Variants in NWD2 observed in about 807,000 individuals in gnomAD.
The protein encoded by NWD2 is NACHT and WD repeat domain containing 2, also known as NACHT and WD repeat domain-containing protein 2.
A neutral mutation model predicts 132.7 loss-of-function variants in NWD2; 37 were observed. That is an observed-to-expected ratio of 0.28 (90% CI 0.21 to 0.37). The LOEUF is 0.37. NWD2 is among the 10% of genes least tolerant of loss of function. The pLI, the probability that NWD2 is intolerant of heterozygous loss-of-function variation, is 1.00. For synonymous variants in NWD2, 705 were observed against 803.0 expected (o/e 0.88, Z 2.06); for missense variants, 1,592 against 2,122.4 (o/e 0.75, Z 4.91).
At chr4:37,390,044 C>G (rs979209562) in intron 3 of NWD2, among the ~76,000 whole-genome samples, 19 of 152,206 alleles carry the variant, frequency 1.2e-4, no homozygotes, top group Non-Finnish European at 2.9e-5. Context: ...CCCGCCTCAG[C>G]CTCCCAAGGT....
intron 2 of NWD2, among the ~76,000 whole-genome samples, chr4:37,347,042 G>T (rs1258500516): frequency 6.6e-6 from 1 of 151,878 alleles, no homozygotes; most frequent in African/African-American, 2.4e-5. Flanking sequence ...TCATCTCAAA[G>T]TATCCCTTTC....
intron 3 of NWD2, among the ~76,000 whole-genome samples, chr4:37,423,521 G>A (rs1400806612): frequency 3.3e-5 from 5 of 152,166 alleles, no homozygotes; most frequent in Non-Finnish European, 7.3e-5. Context: ...AAACAGGAGT[G>A]CCAATGGAAT....
At chr4:37,417,122 A>C (rs1245703307) in intron 3 of NWD2, among the ~76,000 whole-genome samples, 1 of 152,166 alleles carries the variant, frequency 6.6e-6, no homozygotes, top group Non-Finnish European at 1.5e-5. Flanking sequence ...AAAATAAATA[A>C]AATTTAGAAT....
intron 1 of NWD2, among the ~76,000 whole-genome samples, chr4:37,249,892 T>C (rs993561684): frequency 1.3e-5 from 2 of 152,146 alleles, no homozygotes; most frequent in Admixed American, 6.5e-5. Context: ...TGTTCTCCGT[T>C]ACAGTGGAAG....
chr4:37,447,201 A>T lies in NWD2; in HGVS notation c.5213A>T (p.Tyr1738Phe). ...GCCCTAGAAGCCAGGGGCCACAGCTATGCCCCTGATAACTGACAAAATGTT... is the reference window on the plus strand; with the variant it reads ...GCCCTAGAAGCCAGGGGCCACAGCTTTGCCCCTGATAACTGACAAAATGTT... Reference protein sequence around the residue: ...CSALEARGHSYAPDN With the variant: ...CSALEARGHSFAPDN Residue 1738 changes from tyrosine (Y) to phenylalanine (F), a missense_variant, in exon 7 of 7, where the codon TAT becomes TTT. By Grantham distance (22) the Tyr-to-Phe change is conservative (BLOSUM62 3). This residue lies in a region of NWD2 where 257 missense variants were observed against 335.0 expected (regional missense o/e 0.77). Coordinates refer to ENST00000309447, the MANE Select transcript of NWD2 (RefSeq NM_001144990.2). The T allele has an allele frequency of 6.5e-7, 1 of 1,549,796 alleles. No individual in the cohort carries two copies. The highest frequency in any genetic ancestry group is 8.7e-7 in the Non-Finnish European group (1 of 1,145,930).
intron 1 of NWD2, among the ~76,000 whole-genome samples, chr4:37,313,183 G>C (rs1466142197): frequency 6.6e-6 from 1 of 151,102 alleles, no homozygotes; most frequent in African/African-American, 2.5e-5. Context: ...CTGTTGATTT[G>C]AATAGTTTCA....
At chr4:37,304,104 G>A (rs1718661860) in intron 1 of NWD2, among the ~76,000 whole-genome samples, 1 of 152,174 alleles carries the variant, frequency 6.6e-6, no homozygotes, top group South Asian at 2.1e-4. Flanking sequence ...CTGTACAGGA[G>A]GCATGGCTTG....
intron 3 of NWD2, among the ~76,000 whole-genome samples, chr4:37,362,158 G>A (rs1386361302): frequency 6.6e-6 from 1 of 152,152 alleles, no homozygotes. Flanking sequence ...ACTGCCAAAA[G>A]AAATCACAGA....
chr4:37,367,702 T>C (rs529430005), intron 3 of NWD2, among the ~76,000 whole-genome samples: 6 of 152,298 alleles, frequency 3.9e-5, no homozygotes, highest in Admixed American at 3.9e-4. Flanking sequence ...AATTTTTATT[T>C]TCTGAATGTG....
At chr4:37,431,475 T>A (rs1046930787) in intron 4 of NWD2, among the ~76,000 whole-genome samples, 20 of 152,048 alleles carry the variant, frequency 1.3e-4, no homozygotes, top group Non-Finnish European at 2.1e-4. Context: ...AAACGTTGAG[T>A]TCATGGTAAC....
Position 37,444,306 on chromosome 4 carries a change from A to G in NWD2, c.2318A>G (p.Lys773Arg). The G allele has an allele frequency of 6.4e-7, 1 of 1,551,722 alleles. No individual in the cohort carries two copies. The highest frequency in any genetic ancestry group is 8.7e-7 in the Non-Finnish European group (1 of 1,146,968). The change falls in exon 7 of 7, where the codon AAA becomes AGA. Residue 773 changes from lysine (K) to arginine (R), a missense_variant. Lys to Arg is a conservative substitution (Grantham distance 26, BLOSUM62 2). Transcript: ENST00000309447. The surrounding 1 kb of genome is among the most constrained non-coding windows in gnomAD (Gnocchi z 4.8). ...GGGGTTTGGTCAGGGGGCAGGAGGAAAGCCTTCTGCCTTGAGGACCCCTAC... is the reference window on the plus strand; with the variant it reads ...GGGGTTTGGTCAGGGGGCAGGAGGAGAGCCTTCTGCCTTGAGGACCCCTAC... Reference protein sequence around the residue: ...FLGVWSGGRRKAFCLEDPYLN... With the variant: ...FLGVWSGGRRRAFCLEDPYLN...
At chr4:37,354,990 C>G (rs541259316) in intron 2 of NWD2, among the ~76,000 whole-genome samples, 3 of 152,012 alleles carry the variant, frequency 2.0e-5, no homozygotes, top group Non-Finnish European at 4.4e-5. Flanking sequence ...TTTCTGTGCT[C>G]TTCTGAAGCT....
rs549634451 is a variant in NWD2 at position 37,246,399 on chromosome 4, T to C, written c.151+1181T>C. On this transcript the variant is annotated intron_variant, in intron 1 of 6. Transcript: ENST00000309447. Reference sequence around the variant, plus strand: ...TTATGAGAAGGAGTTGGGGAGAGAATCAAAACGATAACATGCACTAATTAG... The same window carrying C: ...TTATGAGAAGGAGTTGGGGAGAGAACCAAAACGATAACATGCACTAATTAG... 2.6e-5 allele frequency among the ~76,000 whole-genome samples: 4 copies of C among 152,138 alleles called. No individual in the cohort carries two copies. The East Asian group carries it at 7.7e-4, about 29-fold the overall frequency.
At chr4:37,431,286 G>A (rs1712171885) in intron 4 of NWD2, among the ~76,000 whole-genome samples, 1 of 152,110 alleles carries the variant, frequency 6.6e-6, no homozygotes, top group Admixed American at 6.6e-5. Context: ...AGAAAATGTA[G>A]AAGGAAATTA....
chr4:37,294,053 T>TC (rs1718424079), intron 1 of NWD2, among the ~76,000 whole-genome samples: 1 of 151,944 alleles, frequency 6.6e-6, no homozygotes, highest in African/African-American at 2.4e-5. Flanking sequence ...TCACAGGAAG[T>TC]CCCCACCCCC....
intron 2 of NWD2, among the ~76,000 whole-genome samples, chr4:37,339,754 C>G (rs1333868959): frequency 2.0e-5 from 3 of 152,114 alleles, no homozygotes; most frequent in African/African-American, 4.8e-5. Flanking sequence ...AAAGTCTGAG[C>G]TTTTAGCATA....
chr4:37,318,200 T>C (rs527354232), intron 1 of NWD2, among the ~76,000 whole-genome samples: 2 of 151,802 alleles, frequency 1.3e-5, no homozygotes, highest in East Asian at 3.9e-4. Context: ...AATTTTTGTA[T>C]TTTTTTAGTA....
intron 1 of NWD2, among the ~76,000 whole-genome samples, chr4:37,289,243 C>T (rs1393189881): frequency 3.9e-5 from 6 of 152,114 alleles, no homozygotes; most frequent in African/African-American, 1.4e-4. Flanking sequence ...AAATGATAAT[C>T]TAGTTTGGGA....
intron 5 of NWD2, among the ~76,000 whole-genome samples, chr4:37,436,351 A>G (rs1712321801): frequency 6.6e-6 from 1 of 152,188 alleles, no homozygotes; most frequent in Admixed American, 6.5e-5. Context: ...ATAAGCATGC[A>G]CTTCGCCTCT....
Sources: allele counts gnomAD v4.1 joint callset (sites outside exome capture counted in the v4.1 genomes callset), GRCh38; gene constraint gnomAD v4.1.1; regional missense constraint gnomAD v4.1.1; non-coding constraint Gnocchi (gnomAD v3.1); transcripts MANE v1.5; gene names NCBI Gene and HGNC (gene_info 2026-07-23, HGNC 2026-07-21).